The following CC2D2B variants were observed in gnomAD, a reference collection of about 807,000 sequenced individuals.
The protein encoded by CC2D2B is protein CC2D2B.
In CC2D2B, 128 loss-of-function variants were observed where a neutral mutation model predicts 161.2. The ratio of observed to expected loss-of-function variants is 0.79; its 90% CI spans 0.69 to 0.92. CC2D2B has a LOEUF of 0.92. CC2D2B is among the 40% of genes least tolerant of loss of function. The probability of loss-of-function intolerance (pLI) is 0.00; values close to 1 mark genes in which losing one functional copy is unlikely to be tolerated. For missense variants in CC2D2B, 1,173 were observed against 1,375.1 expected, an observed-to-expected ratio of 0.85 and a Z score of 2.32; for synonymous variants, 391 against 449.8, an observed-to-expected ratio of 0.87 and a Z score of 1.65.
At chr10:95,981,120 A>G (rs531648248) in intron 17 of CC2D2B, among the ~76,000 whole-genome samples, 27 of 152,268 alleles carry the variant, frequency 1.8e-4, no homozygotes, top group East Asian at 9.6e-4. Context: ...ATGGCAGGGC[A>G]CAGTGGCTCA....
intron 21 of CC2D2B, among the ~76,000 whole-genome samples, chr10:95,991,927 A>T (rs1160563287): frequency 6.6e-6 from 1 of 152,204 alleles, no homozygotes; most frequent in African/African-American, 2.4e-5. Context: ...CTCAATTCTC[A>T]TACTGTCCTA....
intron 2 of CC2D2B, among the ~76,000 whole-genome samples, chr10:95,917,801 T>C (rs945742000): frequency 1.3e-5 from 2 of 152,166 alleles, no homozygotes; most frequent in African/African-American, 4.8e-5. Flanking sequence ...ACAGTATTAT[T>C]TTGAGACAGC....
chr10:95,926,228 A>G (rs555083167), intron 5 of CC2D2B, among the ~76,000 whole-genome samples: 2 of 152,286 alleles, frequency 1.3e-5, no homozygotes, highest in South Asian at 2.1e-4. Flanking sequence ...GTCAAGGTCA[A>G]TCCATTGAGT....
intron 2 of CC2D2B, among the ~76,000 whole-genome samples, chr10:95,914,169 C>A (rs1191829739): frequency 1.3e-5 from 2 of 152,150 alleles, no homozygotes; most frequent in East Asian, 3.8e-4. Flanking sequence ...CAGTTTCATT[C>A]TTCTGCATAT....
At chr10:95,946,037 G>T (rs2076186211) in intron 9 of CC2D2B, among the ~76,000 whole-genome samples, 1 of 152,170 alleles carries the variant, frequency 6.6e-6, no homozygotes, top group African/African-American at 2.4e-5. Context: ...TGCCCGCCCA[G>T]CCTCCCAAAG....
intron 6 of CC2D2B, among the ~76,000 whole-genome samples, chr10:95,934,449 AC>A (rs200138281): frequency 1.6e-4 from 24 of 151,348 alleles, no homozygotes; most frequent in East Asian, 7.8e-4. Context: ...AAAAAAAAAA[AC>A]AAACAAACAA....
In CC2D2B at chr10:95,968,809, T is replaced by G; in HGVS notation, c.1552T>G (p.Ser518Ala). The change falls in exon 15 of 35, where the codon TCA (serine) becomes GCA (alanine). Residue 518 changes from serine to alanine, a missense_variant. Transcript: ENST00000646931. ...CAACAATAAACAGGTTTCTTGTACT[T>G]CAGTATCTCCCCTACAGTTTGATTT... ...FYNNKQVSCT[S>A]VSPLQFDFKV... The G allele has an allele frequency of 8.3e-7, 1 of 1,202,360 alleles. No individual in the cohort carries two copies. The highest frequency in any genetic ancestry group is 4.2e-5 in the South Asian group (1 of 23,702). 74.5% of individuals were successfully genotyped at this position (1,202,360 alleles called of 1,614,324 possible).
chr10:95,949,961 G>A lies in CC2D2B; in HGVS notation c.867G>A (p.Gln289=). ...NKMEGSREIY[Q]LDLNIVGLQF... is the part of the protein sequence containing the mutation. Reference sequence around the variant, plus strand: ...TGGAAGGTTCAAGGGAAATATACCAGTTAGACCTCAACATTGTGGGTTTGC... The same window carrying A: ...TGGAAGGTTCAAGGGAAATATACCAATTAGACCTCAACATTGTGGGTTTGC... Residue 289 remains glutamine, a synonymous_variant, in exon 10 of 35, where the codon CAG becomes CAA. Transcript: ENST00000646931. 1 of 398,750 alleles carries A rather than the reference G, an allele frequency of 2.5e-6. No homozygotes were observed. The allele number at this position is 398,750 out of a possible 1,614,324, so 24.7% of individuals were successfully genotyped here. A position where few individuals can be genotyped will look rare whatever the true frequency, so the allele number is the denominator to read the frequency against.
chr10:96,007,671 T>C (rs1207810073), intron 25 of CC2D2B, among the ~76,000 whole-genome samples: 2 of 152,108 alleles, frequency 1.3e-5, no homozygotes, highest in Admixed American at 6.6e-5. Flanking sequence ...TCCAAAGCAG[T>C]GGTTATTAAC....
intron 6 of CC2D2B, among the ~76,000 whole-genome samples, chr10:95,934,520 G>A (rs1239529808): frequency 6.6e-6 from 1 of 152,002 alleles, no homozygotes; most frequent in African/African-American, 2.4e-5. Context: ...GTTTTGTATT[G>A]AAACCCAGGG....
intron 6 of CC2D2B, among the ~76,000 whole-genome samples, chr10:95,927,624 A>C (rs1194469531): frequency 6.6e-6 from 1 of 151,938 alleles, no homozygotes; most frequent in Non-Finnish European, 1.5e-5. Flanking sequence ...TCAAGCAAAG[A>C]GGGTTAAGCC....
chr10:95,961,600 C>T (rs2076764993), intron 11 of CC2D2B: 2 of 318,436 alleles, frequency 6.3e-6, no homozygotes, highest in Non-Finnish European at 5.7e-6. Flanking sequence ...TTTAGCAGGG[C>T]ACTTTTGAAT....
At chr10:95,993,952 GTATATATATA>G (rs1169560460) in intron 22 of CC2D2B, among the ~76,000 whole-genome samples, 262 of 18,154 alleles carry the variant, frequency 0.014, 4 homozygotes, top group African/African-American at 0.037. Context: ...GTATGTATGT[GTATATATATA>G]TATATATATA....
chr10:95,991,762 A>G (rs1351313920), intron 21 of CC2D2B, among the ~76,000 whole-genome samples: 3 of 152,212 alleles, frequency 2.0e-5, no homozygotes, highest in Middle Eastern at 3.2e-3. Context: ...TAGTTTTGCC[A>G]TAAGATTTCC....
chr10:95,945,116 T>C (rs1484160389), intron 9 of CC2D2B, among the ~76,000 whole-genome samples: 1 of 152,260 alleles, frequency 6.6e-6, no homozygotes, highest in Admixed American at 6.5e-5. Flanking sequence ...ATGTGGTGTC[T>C]TAATCTTGGA....
At chr10:95,922,954 ATT>A (rs11300333) in intron 3 of CC2D2B, among the ~76,000 whole-genome samples, 144 of 142,542 alleles carry the variant, frequency 1.0e-3, no homozygotes, top group Admixed American at 1.0e-3. Context: ...CATGTATGTT[ATT>A]TTTTTTTTTT....
chr10:95,959,043 C>G (rs1388975088), intron 11 of CC2D2B, among the ~76,000 whole-genome samples: 1 of 152,044 alleles, frequency 6.6e-6, no homozygotes, highest in Non-Finnish European at 1.5e-5. Flanking sequence ...TTTTAAATAA[C>G]TTTATGCTAA....
Position 95,968,790 on chromosome 10 carries a change from T to C in CC2D2B, c.1533T>C (p.Asn511=). ...LKYFIKIFYN[N]KQVSCTSVSP... ...ACTTTATTAAAATATTTTACAACAATAAACAGGTTTCTTGTACTTCAGTAT... is the reference window on the plus strand; with the variant it reads ...ACTTTATTAAAATATTTTACAACAACAAACAGGTTTCTTGTACTTCAGTAT... Residue 511 remains asparagine, a synonymous_variant, in exon 15 of 35, where the codon AAT becomes AAC. Transcript: ENST00000646931. The C allele has an allele frequency of 3.3e-6, 4 of 1,201,634 alleles. No individual in the cohort carries two copies. The highest frequency in any genetic ancestry group is 4.2e-6 in the Non-Finnish European group (4 of 960,384). The allele number at this position is 1,201,634 out of a possible 1,614,324, so 74.4% of individuals were successfully genotyped here.
At chr10:95,973,954 G>T in intron 16 of CC2D2B, 55 bp from the exon 17 acceptor site, 1 of 1,035,318 alleles carries the variant, frequency 9.7e-7, no homozygotes, top group Non-Finnish European at 1.2e-6. Flanking sequence ...AACCCACAAT[G>T]TGCTTCAACT....
Sources: allele counts gnomAD v4.1 joint callset (sites outside exome capture counted in the v4.1 genomes callset), GRCh38; gene constraint gnomAD v4.1.1; transcripts MANE v1.5; gene names NCBI Gene and HGNC (gene_info 2026-07-23, HGNC 2026-07-21).